Variants in KALRN observed in about 807,000 individuals in gnomAD.
The protein encoded by KALRN is kalirin.
KALRN carries 70 observed loss-of-function variants against 353.7 expected under a neutral mutation model. That is an observed-to-expected ratio of 0.20 (90% CI 0.16 to 0.24). The LOEUF (loss-of-function observed/expected upper bound fraction) is 0.24, where lower values mean the gene tolerates loss of function less well. KALRN is among the 10% of genes least tolerant of loss of function. The pLI, the probability that KALRN is intolerant of heterozygous loss-of-function variation, is 1.00. For synonymous variants in KALRN, 1,391 were observed against 1,434.8 expected (o/e 0.97, Z 0.69); for missense variants, 2,791 against 3,756.7 (o/e 0.74, Z 6.72).
rs559511888 is a variant in KALRN, at chr3:124,302,973, T to C, written c.1092+4060T>C. Among the ~76,000 whole-genome samples, 94 of 152,204 alleles carry C rather than the reference T, an allele frequency of 6.2e-4. 1 individual carries two copies. Among genetic ancestry groups the C allele is most frequent in the Non-Finnish European group, 1.1e-3 (73 of 68,046 alleles). On this transcript the variant is annotated intron_variant, in intron 6 of 59. Transcript: ENST00000682506. ...TTAAACACCCTATCTTCACATGCAG[T>C]CAGTTTTTAATGGTACTTGGGGGTT...
intron 34 of KALRN, among the ~76,000 whole-genome samples, chr3:124,579,167 C>T (rs2074404644): frequency 6.6e-6 from 1 of 152,152 alleles, no homozygotes; most frequent in Non-Finnish European, 1.5e-5. Context: ...TCCAGTGTTA[C>T]TGAAGACTGT....
intron 33 of KALRN, among the ~76,000 whole-genome samples, chr3:124,511,104 A>G (rs2065853388): frequency 6.6e-6 from 1 of 151,950 alleles, no homozygotes; most frequent in Admixed American, 6.6e-5. Context: ...AGAGCCACCT[A>G]CACTAATATT....
chr3:124,361,752 G>A (rs1014111185), intron 10 of KALRN, among the ~76,000 whole-genome samples: 14 of 150,538 alleles, frequency 9.3e-5, no homozygotes, highest in Non-Finnish European at 1.3e-4. Context: ...AGGGCTATGA[G>A]GACCTTCTGA....
chr3:124,287,100 T>C (rs1013204252), intron 5 of KALRN, among the ~76,000 whole-genome samples: 12 of 152,198 alleles, frequency 7.9e-5, no homozygotes, highest in Non-Finnish European at 1.0e-4. Flanking sequence ...AACATGTGGC[T>C]CTTATTCCTA....
intron 58 of KALRN, 50 bp from the exon 59 acceptor site, chr3:124,717,197 A>T: frequency 6.6e-7 from 1 of 1,515,198 alleles, no homozygotes; most frequent in Non-Finnish European, 8.9e-7. Context: ...TTATTTTTCT[A>T]TTTCTTCATT....
chr3:124,697,668 C>G lies in KALRN; in HGVS notation c.7775C>G (p.Pro2592Arg), dbSNP rs756968542. The change falls in exon 55 of 60, where the codon CCC (proline) becomes CGC (arginine). Residue 2592 changes from proline (P) to arginine (R), a missense_variant. Coordinates refer to ENST00000682506, the MANE Select transcript of KALRN (RefSeq NM_001388419.1). ...TCCGTGATTCTCCGCTGGCTGCCCC[C>G]CTCCAGCACAGGAAACTGCACTATT... ...CTSVILRWLP[P>R]SSTGNCTISG... The G allele has an allele frequency of 1.2e-5, 19 of 1,606,040 alleles. No homozygotes were observed. The highest frequency in any genetic ancestry group is 3.4e-5 in the Admixed American group (2 of 59,220).
chr3:124,650,163 G>C (rs2083260478), intron 37 of KALRN, among the ~76,000 whole-genome samples: 1 of 152,088 alleles, frequency 6.6e-6, no homozygotes. Context: ...ACTTGTAAAA[G>C]TGTTAAGATT....
At chr3:124,193,756 A>C (rs2075164855) in intron 1 of KALRN, among the ~76,000 whole-genome samples, 1 of 151,924 alleles carries the variant, frequency 6.6e-6, no homozygotes, top group Non-Finnish European at 1.5e-5. Flanking sequence ...TCTTTGTTTC[A>C]CTTTTTTCTT....
intron 16 of KALRN, among the ~76,000 whole-genome samples, chr3:124,431,100 A>G (rs2093254089): frequency 6.6e-6 from 1 of 152,246 alleles, no homozygotes; most frequent in South Asian, 2.1e-4. Flanking sequence ...GAGGAAATGT[A>G]AAACTAAAAG....
intron 37 of KALRN, among the ~76,000 whole-genome samples, chr3:124,649,599 C>A (rs1477960943): frequency 6.9e-6 from 1 of 143,948 alleles, no homozygotes; most frequent in African/African-American, 2.7e-5. Flanking sequence ...TGTAATGAGA[C>A]CCAGTCTCTT....
intron 10 of KALRN, among the ~76,000 whole-genome samples, chr3:124,376,778 T>A (rs1428318675): frequency 1.3e-5 from 2 of 152,218 alleles, no homozygotes; most frequent in South Asian, 4.1e-4. Flanking sequence ...TTGGGTTGAG[T>A]GACTATTGAA....
chr3:124,151,025 G>T (rs1419012995), intron 1 of KALRN, among the ~76,000 whole-genome samples: 3 of 152,158 alleles, frequency 2.0e-5, no homozygotes, highest in Non-Finnish European at 2.9e-5. Context: ...ATTAATCCAT[G>T]TTGTGTATAG....
intron 19 of KALRN, among the ~76,000 whole-genome samples, chr3:124,442,786 A>G (rs1354431137): frequency 6.6e-6 from 1 of 152,088 alleles, no homozygotes; most frequent in African/African-American, 2.4e-5. Flanking sequence ...GGAGTTCAAG[A>G]CCAGCCTGGG....
At chr3:124,315,836 A>T (rs901319490) in intron 6 of KALRN, among the ~76,000 whole-genome samples, 10 of 152,188 alleles carry the variant, frequency 6.6e-5, no homozygotes, top group African/African-American at 2.4e-4. Flanking sequence ...AGTATGTCAG[A>T]TGAGATATGC....
intron 1 of KALRN, among the ~76,000 whole-genome samples, chr3:124,174,843 C>A (rs536911993): frequency 1.3e-5 from 2 of 152,344 alleles, no homozygotes; most frequent in East Asian, 1.9e-4. Flanking sequence ...CTCTTATAAT[C>A]CTTGGCAGGA....
intron 1 of KALRN, among the ~76,000 whole-genome samples, chr3:124,041,702 T>G (rs1311631228): frequency 1.3e-5 from 2 of 152,234 alleles, no homozygotes; most frequent in African/African-American, 4.8e-5. Context: ...AGGTCCTTCC[T>G]GCCTTTTCTC....
intron 1 of KALRN, among the ~76,000 whole-genome samples, chr3:124,107,466 A>C (rs2062414125): frequency 6.6e-6 from 1 of 152,206 alleles, no homozygotes; most frequent in Admixed American, 6.5e-5. Flanking sequence ...AGCTAGAGAC[A>C]ATGTGGTTGG....
Position 124,384,870 on chromosome 3 carries a change from T to C in KALRN, c.1796T>C (p.Leu599Pro). Residue 599 changes from leucine (L) to proline (P), a missense_variant, in exon 11 of 60, where the codon CTC (leucine) becomes CCC (proline). Physicochemically the swap from Leu to Pro is moderately conservative, Grantham distance 98. Coordinates refer to ENST00000682506, the MANE Select transcript of KALRN (RefSeq NM_001388419.1). ...AATACGTACACCAATGCGGACAAGC[T>C]CCTAGAAGCAGCAGAGCAGTTGGCT... ...AQNTYTNADK[L>P]LEAAEQLAQT... 1 of 1,608,682 alleles carries C rather than the reference T, an allele frequency of 6.2e-7. No homozygotes were observed.
At chr3:124,628,300 CATT>C (rs1426348746) in intron 34 of KALRN, among the ~76,000 whole-genome samples, 7 of 5,502 alleles carry the variant, frequency 1.3e-3, no homozygotes, top group Non-Finnish European at 1.6e-3. Context: ...CTCCCTCCTT[CATT>C]CCCTCCCTCC....
Sources: allele counts gnomAD v4.1 joint callset (sites outside exome capture counted in the v4.1 genomes callset), GRCh38; gene constraint gnomAD v4.1.1; transcripts MANE v1.5; gene names NCBI Gene and HGNC (gene_info 2026-07-23, HGNC 2026-07-21).